The following CAST variants were observed in gnomAD, a reference collection of about 807,000 sequenced individuals.
CAST encodes calpastatin, also known as MIR583 host.
A neutral mutation model predicts 119.6 loss-of-function variants in CAST; 76 were observed. The observed-to-expected ratio is 0.64, with a 90% confidence interval of 0.53 to 0.77. CAST has a LOEUF of 0.77. Among genes scored for constraint, CAST ranks in the 30% least tolerant of loss-of-function variants. The pLI is 0.00. For missense variants in CAST, 953 were observed against 946.5 expected (o/e 1.01, Z -0.09); for synonymous variants, 319 against 331.6 (o/e 0.96, Z 0.41).
intron 3 of CAST, among the ~76,000 whole-genome samples, chr5:96,719,307 C>T (rs900006844): frequency 2.2e-4 from 33 of 152,272 alleles, no homozygotes; most frequent in African/African-American, 6.7e-4. Flanking sequence ...ACTACAGGCG[C>T]GTGCCACCAC....
chr5:96,093,949 T>C, the CAST span, among the ~76,000 whole-genome samples: 2 of 152,202 alleles, frequency 1.3e-5, no homozygotes, highest in African/African-American at 4.8e-5. Context: ...CTGATTGCTC[T>C]ACTAGAACCT....
At chr5:96,689,693 A>T (rs568804138) in intron 2 of CAST, among the ~76,000 whole-genome samples, 1 of 152,372 alleles carries the variant, frequency 6.6e-6, no homozygotes, top group African/African-American at 2.4e-5. Context: ...ATTTAATAAT[A>T]GAACCCAGAA....
At chr5:96,467,155 T>G in the CAST span, among the ~76,000 whole-genome samples, 8 of 152,090 alleles carry the variant, frequency 5.3e-5, no homozygotes, top group African/African-American at 1.9e-4. Flanking sequence ...TTGTCTTCCC[T>G]GTCTTTTCCT....
chr5:96,039,659 G>A, the CAST span, among the ~76,000 whole-genome samples: 2 of 152,112 alleles, frequency 1.3e-5, no homozygotes, highest in Non-Finnish European at 2.9e-5. Flanking sequence ...TGTGTGTCAA[G>A]TTTGTCAAAG....
chr5:96,355,105 T>A, the CAST span, among the ~76,000 whole-genome samples: 22 of 152,276 alleles, frequency 1.4e-4, no homozygotes, highest in African/African-American at 5.3e-4. Flanking sequence ...GGTGGTTTGC[T>A]GCACCCATTA....
the CAST span, among the ~76,000 whole-genome samples, chr5:96,225,679 TGA>T: frequency 2.0e-5 from 3 of 152,336 alleles, no homozygotes; most frequent in East Asian, 3.9e-4. Flanking sequence ...ATGATTTTCT[TGA>T]GAGTCTGTTG....
chr5:96,447,061 C>T, the CAST span, among the ~76,000 whole-genome samples: 3 of 152,304 alleles, frequency 2.0e-5, no homozygotes, highest in Non-Finnish European at 2.9e-5. Flanking sequence ...GGTTAAATTA[C>T]GGACCTGGAG....
In CAST at chr5:96,738,689, T is replaced by C. The variant is rs1762118728; in HGVS notation, c.798+742T>C. Among the ~76,000 whole-genome samples, 3 of 152,028 alleles carry C rather than the reference T, an allele frequency of 2.0e-5. No individual in the cohort carries two copies. In the South Asian group the frequency reaches 6.2e-4, roughly 32 times the overall value. On this transcript the variant is annotated intron_variant, in intron 11 of 31. Coordinates refer to ENST00000675179, the MANE Select transcript of CAST (RefSeq NM_001750.7). ...GGCTCACACCTGTAATCCCAGCACT[T>C]TGGGAGGCCGAGGCAGGCGGATCAT...
chr5:96,179,766 G>T, the CAST span, among the ~76,000 whole-genome samples: 6 of 152,320 alleles, frequency 3.9e-5, no homozygotes, highest in African/African-American at 1.4e-4. Context: ...GCCGGGCGCG[G>T]TGGCTCACAC....
the CAST span, among the ~76,000 whole-genome samples, chr5:95,972,563 T>A: frequency 6.6e-5 from 10 of 152,036 alleles, no homozygotes; most frequent in African/African-American, 2.4e-4. Flanking sequence ...TTTGTCCTTT[T>A]AAAAAAAAGA....
At chr5:96,575,495 G>A (rs183260577) in intron 1 of CAST, among the ~76,000 whole-genome samples, 8 of 152,032 alleles carry the variant, frequency 5.3e-5, no homozygotes, top group African/African-American at 1.2e-4. Context: ...GGGGAAAAGC[G>A]TTTAGTCCTT....
At chr5:96,315,298 T>A in the CAST span, among the ~76,000 whole-genome samples, 5 of 152,250 alleles carry the variant, frequency 3.3e-5, no homozygotes, top group Admixed American at 6.5e-5. Context: ...AAGTTCAAGT[T>A]TAACTACATA....
At chr5:96,052,857 GGA>G in the CAST span, among the ~76,000 whole-genome samples, 1 of 152,148 alleles carries the variant, frequency 6.6e-6, no homozygotes. Context: ...TGGGAGAATG[GGA>G]GAGGAGGAGA....
chr5:96,424,023 A>G, the CAST span, among the ~76,000 whole-genome samples: 1 of 152,198 alleles, frequency 6.6e-6, no homozygotes, highest in Admixed American at 6.5e-5. Flanking sequence ...TGTCTGTGAG[A>G]GGAGATTCAG....
intron 2 of CAST, among the ~76,000 whole-genome samples, chr5:96,694,630 C>CA (rs1753075035): frequency 1.3e-5 from 2 of 151,772 alleles, no homozygotes; most frequent in Admixed American, 6.6e-5. Flanking sequence ...GACTCCATCT[C>CA]AAAAAAACAA....
the CAST span, among the ~76,000 whole-genome samples, chr5:95,997,045 T>C: frequency 6.6e-6 from 1 of 152,158 alleles, no homozygotes; most frequent in Non-Finnish European, 1.5e-5. Flanking sequence ...TTCAGAATGC[T>C]TTGGAACCAA....
chr5:96,543,282 A>G (rs1332317843), intron 1 of CAST, among the ~76,000 whole-genome samples: 1 of 152,190 alleles, frequency 6.6e-6, no homozygotes, highest in Non-Finnish European at 1.5e-5. Context: ...TAACACAGGA[A>G]CAGAAAACCA....
the CAST span, among the ~76,000 whole-genome samples, chr5:95,969,290 A>G: frequency 6.6e-6 from 1 of 152,212 alleles, no homozygotes; most frequent in African/African-American, 2.4e-5. Context: ...AGGAAGTAGC[A>G]TGATCTAATC....
the CAST span, among the ~76,000 whole-genome samples, chr5:95,983,281 TTTTAACCTGA>T: frequency 6.6e-6 from 1 of 152,212 alleles, no homozygotes; most frequent in Non-Finnish European, 1.5e-5. Context: ...GTACTCTGCT[TTTTAACCTGA>T]GTGGTTGTTG....
Sources: gnomAD v4.1 joint callset for allele counts (sites outside exome capture counted in the v4.1 genomes callset) on GRCh38, gnomAD v4.1.1 for gene constraint, MANE v1.5 for transcripts, NCBI Gene and HGNC (gene_info 2026-07-23, HGNC 2026-07-21) for gene names.